GRM1: variants seen among roughly 807,000 people sequenced by gnomAD.
The protein encoded by GRM1 is glutamate metabotropic receptor 1, also known as metabotropic glutamate receptor 1.
Under a neutral mutation model 90.9 loss-of-function variants are expected in GRM1, and 33 were observed. That is an observed-to-expected ratio of 0.36 (90% CI 0.28 to 0.49). The LOEUF (loss-of-function observed/expected upper bound fraction) is 0.49, where lower values mean the gene tolerates loss of function less well. GRM1 is among the 20% of genes least tolerant of loss of function. The probability of loss-of-function intolerance (pLI) is 0.99; values close to 1 mark genes in which losing one functional copy is unlikely to be tolerated. For missense variants in GRM1, 1,190 were observed against 1,534.3 expected (o/e 0.78, Z 3.75); for synonymous variants, 700 against 613.2 (o/e 1.14, Z -2.09).
rs150783600 is a variant in GRM1 at position 146,286,989 on chromosome 6, C to T, written c.951-17622C>T. On this transcript the variant is annotated intron_variant, in intron 2 of 7. Transcript: ENST00000282753. ...ACATTAAGCAAGATGGCAAGATGAA[C>T]AATGATTCTTTATTTTTGATTAGTG... is the stretch of plus-strand genomic sequence containing the variant. Among the ~76,000 whole-genome samples the T allele has an allele frequency of 1.3e-4, 20 of 152,226 alleles. No individual in the cohort carries two copies. In the East Asian group the frequency reaches 3.5e-3, roughly 26 times the overall value.
intron 3 of GRM1, among the ~76,000 whole-genome samples, chr6:146,340,244 T>C (rs1433927537): frequency 6.6e-6 from 1 of 152,188 alleles, no homozygotes; most frequent in Non-Finnish European, 1.5e-5. Context: ...ATCAATCTTT[T>C]CCCTGGTTTT....
At chr6:146,262,839 T>C (rs1435818045) in intron 2 of GRM1, among the ~76,000 whole-genome samples, 3 of 151,574 alleles carry the variant, frequency 2.0e-5, no homozygotes, top group Admixed American at 6.6e-5. Flanking sequence ...TTTAAATGTA[T>C]ACATATATAT....
At chr6:146,279,275 T>A (rs1422390614) in intron 2 of GRM1, among the ~76,000 whole-genome samples, 4 of 152,166 alleles carry the variant, frequency 2.6e-5, no homozygotes, top group African/African-American at 9.6e-5. Flanking sequence ...GGTTTATAAA[T>A]GCTGCTAATA....
intron 2 of GRM1, among the ~76,000 whole-genome samples, chr6:146,247,761 A>G (rs908860490): frequency 6.8e-6 from 1 of 147,250 alleles, no homozygotes; most frequent in African/African-American, 2.6e-5. Context: ...AAAAAAAAAA[A>G]AAAAAGGAAA....
intron 1 of GRM1, among the ~76,000 whole-genome samples, chr6:146,110,340 T>C (rs1199528382): frequency 6.6e-6 from 1 of 152,178 alleles, no homozygotes; most frequent in Non-Finnish European, 1.5e-5. Flanking sequence ...TGGGATCTCA[T>C]AGTTTTAAAA....
intron 1 of GRM1, among the ~76,000 whole-genome samples, chr6:146,058,961 G>A (rs944907244): frequency 6.6e-6 from 1 of 152,084 alleles, no homozygotes; most frequent in Non-Finnish European, 1.5e-5. Context: ...CACATCCGCA[G>A]TGACTTTCTC....
chr6:146,092,728 C>A (rs1188623844), intron 1 of GRM1, among the ~76,000 whole-genome samples: 1 of 152,052 alleles, frequency 6.6e-6, no homozygotes, highest in African/African-American at 2.4e-5. Context: ...GGAAGCCTGG[C>A]CCCTGCTGCA....
chr6:146,175,810 C>T (rs1778319768), intron 2 of GRM1, among the ~76,000 whole-genome samples: 1 of 151,984 alleles, frequency 6.6e-6, no homozygotes, highest in African/African-American at 2.4e-5. Context: ...ACCATCTTCC[C>T]TATAGTTGAT....
intron 2 of GRM1, among the ~76,000 whole-genome samples, chr6:146,291,358 T>C (rs1015547133): frequency 3.3e-5 from 5 of 151,082 alleles, no homozygotes; most frequent in African/African-American, 9.7e-5. Context: ...GACAGAAATA[T>C]GTATATATTA....
intron 3 of GRM1, among the ~76,000 whole-genome samples, chr6:146,337,129 T>C (rs1784800620): frequency 6.6e-6 from 1 of 152,132 alleles, no homozygotes; most frequent in South Asian, 2.1e-4. Context: ...CCTCTGGAGA[T>C]GTGGAGATGT....
At chr6:146,254,378 G>A (rs1336518559) in intron 2 of GRM1, among the ~76,000 whole-genome samples, 4 of 152,104 alleles carry the variant, frequency 2.6e-5, no homozygotes, top group Non-Finnish European at 4.4e-5. Context: ...GACTCTAGAC[G>A]TTCAGACAGA....
At chr6:146,308,604 T>G (rs192726529) in intron 3 of GRM1, among the ~76,000 whole-genome samples, 174 of 152,330 alleles carry the variant, frequency 1.1e-3, no homozygotes, top group African/African-American at 3.8e-3. Flanking sequence ...TATTTTCTCT[T>G]ATATTTTCCC....
chr6:146,210,815 A>AG (rs1180757315), intron 2 of GRM1, among the ~76,000 whole-genome samples: 1 of 152,152 alleles, frequency 6.6e-6, no homozygotes, highest in Non-Finnish European at 1.5e-5. Context: ...CCCCAAATGC[A>AG]GGGGTTGCTT....
At chr6:146,367,472 T>A (rs1487686353) in intron 5 of GRM1, among the ~76,000 whole-genome samples, 6 of 152,140 alleles carry the variant, frequency 3.9e-5, no homozygotes, top group Non-Finnish European at 4.4e-5. Flanking sequence ...TACAGTTTTT[T>A]ACATGGATAA....
intron 1 of GRM1, among the ~76,000 whole-genome samples, chr6:146,133,812 A>G (rs1299441333): frequency 6.6e-6 from 1 of 152,204 alleles, no homozygotes; most frequent in Non-Finnish European, 1.5e-5. Flanking sequence ...GATCTGTGGA[A>G]CCAAAGCACG....
intron 4 of GRM1, among the ~76,000 whole-genome samples, chr6:146,356,901 G>T (rs1785605152): frequency 6.6e-6 from 1 of 152,144 alleles, no homozygotes; most frequent in Non-Finnish European, 1.5e-5. Context: ...TTGCCATTGT[G>T]TAGTGTTCCG....
chr6:146,352,081 C>T (rs1785430169), intron 3 of GRM1, among the ~76,000 whole-genome samples, 169 bp from the exon 4 acceptor site: 1 of 152,228 alleles, frequency 6.6e-6, no homozygotes, highest in African/African-American at 2.4e-5. Context: ...CAGGTGGAAT[C>T]TGCTAGAGCT....
intron 2 of GRM1, among the ~76,000 whole-genome samples, chr6:146,266,435 C>G (rs1401929362): frequency 6.6e-6 from 1 of 152,118 alleles, no homozygotes; most frequent in Non-Finnish European, 1.5e-5. Context: ...TCCCAGGAAC[C>G]CTTTTGTCTT....
intron 7 of GRM1, among the ~76,000 whole-genome samples, chr6:146,431,881 A>G (rs1032793705): frequency 6.6e-6 from 1 of 152,194 alleles, no homozygotes; most frequent in Non-Finnish European, 1.5e-5. Flanking sequence ...AAGTGTGTAT[A>G]GTGGTAGATG....
Sources: gnomAD v4.1 joint callset for allele counts (sites outside exome capture counted in the v4.1 genomes callset) on GRCh38, gnomAD v4.1.1 for gene constraint, MANE v1.5 for transcripts, NCBI Gene and HGNC (gene_info 2026-07-23, HGNC 2026-07-21) for gene names.